The following PLXDC2 variants were observed in gnomAD, a reference collection of about 807,000 sequenced individuals.
PLXDC2 encodes the protein plexin domain-containing protein 2.
Under a neutral mutation model 68.9 loss-of-function variants are expected in PLXDC2, and 40 were observed. The observed-to-expected ratio is 0.58, with a 90% CI of 0.45 to 0.76. PLXDC2 has a LOEUF of 0.76. Ranked by LOEUF, PLXDC2 falls within the 30% of genes least tolerant of loss-of-function variation. The pLI, the probability that PLXDC2 is intolerant of heterozygous loss-of-function variation, is 0.00. For synonymous variants in PLXDC2, 243 were observed against 234.2 expected (o/e 1.04, Z -0.34); for missense variants, 644 against 661.9 (o/e 0.97, Z 0.30).
At chr10:19,825,920 G>A (rs753982987) in intron 1 of PLXDC2, among the ~76,000 whole-genome samples, 3 of 152,112 alleles carry the variant, frequency 2.0e-5, no homozygotes, top group South Asian at 2.1e-4. Flanking sequence ...CATAGCTGGC[G>A]GGAGCAAGTC....
chr10:19,864,866 TA>T (rs1174351464), intron 1 of PLXDC2, among the ~76,000 whole-genome samples: 1 of 152,124 alleles, frequency 6.6e-6, no homozygotes, highest in African/African-American at 2.4e-5. Context: ...ACTGTAAGTT[TA>T]AAGGGTGAGT....
intron 1 of PLXDC2, among the ~76,000 whole-genome samples, chr10:19,886,861 C>T (rs7097965): frequency 0.24 from 36,344 of 152,082 alleles, 4,706 homozygotes; most frequent in East Asian, 0.36. Context: ...TTTATGTTAG[C>T]GTTCAACTCA....
rs71200986 is a variant in PLXDC2 at position 20,149,229 on chromosome 10, C to CTT, written c.783+1352_783+1353dup. Among the ~76,000 whole-genome samples, 107 of 34,926 alleles carry CTT rather than the reference C, an allele frequency of 3.1e-3. 12 individuals carry two copies. Among genetic ancestry groups the CTT allele is most frequent in the African/African-American group, 0.012 (101 of 8,422 alleles). 22.9% of individuals were successfully genotyped at this position (34,926 alleles called of 152,430 possible). ...ATTTTTCTTTCTTTTTTTTTCTTTT[C>CTT]TTTTTTTTTTTTTTTTTTTTTTTTT... is the stretch of plus-strand genomic sequence containing the variant. On this transcript the variant is annotated intron_variant, in intron 6 of 13. Transcript: ENST00000377252.
intron 9 of PLXDC2, among the ~76,000 whole-genome samples, chr10:20,199,007 G>A: frequency 6.6e-6 from 1 of 151,874 alleles, no homozygotes; most frequent in Non-Finnish European, 1.5e-5. Context: ...ATTATTCATG[G>A]ATATCCTGTA....
At position 20,243,171 on chromosome 10, in the gene PLXDC2, TC is replaced by T. The variant is rs541563236; in HGVS notation, c.1313-2172del. On this transcript the variant is annotated intron_variant, in intron 12 of 13. Coordinates refer to ENST00000377252, the MANE Select transcript of PLXDC2 (RefSeq NM_032812.9). ...TCATTGAGGAGGTATTGATCAGAGG[TC>T]CAGAATTCAGACTTGGAGGCCAGAC... Among the ~76,000 whole-genome samples the T allele has an allele frequency of 4.3e-3, 657 of 152,290 alleles. 1 individual carries two copies. The highest frequency in any genetic ancestry group is 0.027 in the Middle Eastern group (8 of 294).
At chr10:19,897,276 G>A (rs1460619095) in intron 1 of PLXDC2, among the ~76,000 whole-genome samples, 2 of 141,948 alleles carry the variant, frequency 1.4e-5, no homozygotes, top group African/African-American at 2.6e-5. Context: ...TTTTGCTCTT[G>A]TCGCCCAGGC....
chr10:20,237,335 G>A (rs1189993678), intron 12 of PLXDC2, among the ~76,000 whole-genome samples: 4 of 151,826 alleles, frequency 2.6e-5, no homozygotes, highest in Non-Finnish European at 4.4e-5. Context: ...TTGACAGGCC[G>A]GTAAGCATTT....
chr10:19,952,974 C>T (rs56928782), intron 1 of PLXDC2, among the ~76,000 whole-genome samples: 17 of 152,146 alleles, frequency 1.1e-4, no homozygotes, highest in East Asian at 5.8e-4. Flanking sequence ...AGGCGATTCT[C>T]CTGCCTCAGC....
chr10:19,967,672 A>G (rs139265924), intron 1 of PLXDC2, among the ~76,000 whole-genome samples: 203 of 152,350 alleles, frequency 1.3e-3, no homozygotes, highest in Non-Finnish European at 2.3e-3. Flanking sequence ...ATGTTACAGC[A>G]TACTGAAAAA....
At chr10:20,014,189 C>A (rs1454648786) in intron 2 of PLXDC2, among the ~76,000 whole-genome samples, 1 of 149,350 alleles carries the variant, frequency 6.7e-6, no homozygotes, top group African/African-American at 2.5e-5. Context: ...CCCTCCCTCC[C>A]TCCCTTGTTT....
chr10:19,877,436 T>A (rs1837651925), intron 1 of PLXDC2, among the ~76,000 whole-genome samples: 1 of 152,234 alleles, frequency 6.6e-6, no homozygotes, highest in Non-Finnish European at 1.5e-5. Flanking sequence ...CATGGCTTAT[T>A]AGCTTATGAA....
At chr10:20,140,727 T>C (rs1179293276) in intron 4 of PLXDC2, among the ~76,000 whole-genome samples, 1 of 152,164 alleles carries the variant, frequency 6.6e-6, no homozygotes, top group Non-Finnish European at 1.5e-5. Flanking sequence ...TCAAGAATTT[T>C]ATTTCTTGGT....
chr10:20,035,357 C>G (rs1589597874), intron 2 of PLXDC2, among the ~76,000 whole-genome samples: 1 of 152,222 alleles, frequency 6.6e-6, no homozygotes, highest in Non-Finnish European at 1.5e-5. Flanking sequence ...AAGTTTCATT[C>G]TCTGACATTA....
chr10:20,206,684 G>A (rs1377324141), intron 9 of PLXDC2, among the ~76,000 whole-genome samples: 1 of 152,102 alleles, frequency 6.6e-6, no homozygotes, highest in Non-Finnish European at 1.5e-5. Context: ...AAAAATTGCT[G>A]AGTTCCAATT....
intron 1 of PLXDC2, among the ~76,000 whole-genome samples, chr10:19,861,816 C>T (rs78228108): frequency 2.6e-5 from 4 of 152,122 alleles, no homozygotes; most frequent in Non-Finnish European, 5.9e-5. Flanking sequence ...TGGCTTCATG[C>T]TAATATCTCC....
intron 9 of PLXDC2, among the ~76,000 whole-genome samples, chr10:20,188,956 A>G (rs1335420212): frequency 2.0e-5 from 3 of 151,722 alleles, no homozygotes; most frequent in Non-Finnish European, 4.4e-5. Flanking sequence ...ACAATGCTAT[A>G]AGAGATAAAT....
chr10:19,834,302 G>A (rs1172885313), intron 1 of PLXDC2, among the ~76,000 whole-genome samples: 2 of 151,558 alleles, frequency 1.3e-5, no homozygotes, highest in Non-Finnish European at 2.9e-5. Context: ...ATCAAGAACA[G>A]CACAAAATCA....
At chr10:20,274,261 G>A (rs1346194306) in intron 13 of PLXDC2, among the ~76,000 whole-genome samples, 1 of 152,172 alleles carries the variant, frequency 6.6e-6, no homozygotes, top group Non-Finnish European at 1.5e-5. Flanking sequence ...TTAAGTGTTT[G>A]CAATGTGTGA....
At chr10:19,932,525 C>G (rs928962877) in intron 1 of PLXDC2, among the ~76,000 whole-genome samples, 1 of 152,220 alleles carries the variant, frequency 6.6e-6, no homozygotes, top group African/African-American at 2.4e-5. Context: ...ACACACTATA[C>G]AGCGTTTTAT....
Sources: gnomAD v4.1 joint callset for allele counts (sites outside exome capture counted in the v4.1 genomes callset) on GRCh38, gnomAD v4.1.1 for gene constraint, MANE v1.5 for transcripts, NCBI Gene and HGNC (gene_info 2026-07-23, HGNC 2026-07-21) for gene names.